The following GRID1 variants were observed in gnomAD, a reference collection of about 807,000 sequenced individuals.
GRID1 encodes the protein glutamate ionotropic receptor delta type subunit 1, also known as glutamate receptor ionotropic, delta-1.
A neutral mutation model predicts 98.0 loss-of-function variants in GRID1; 28 were observed. The ratio of observed to expected loss-of-function variants is 0.29; its 90% CI spans 0.21 to 0.39. The LOEUF is 0.39. Among genes scored for constraint, GRID1 ranks in the 10% least tolerant of loss-of-function variants. GRID1 has a pLI of 1.00. For missense variants in GRID1, 1,111 were observed against 1,340.5 expected, an observed-to-expected ratio of 0.83 and a Z score of 2.67; for synonymous variants, 553 against 538.5, an observed-to-expected ratio of 1.03 and a Z score of -0.37.
intron 4 of GRID1, among the ~76,000 whole-genome samples, chr10:86,062,742 C>T (rs1843666478): frequency 6.6e-6 from 1 of 152,238 alleles, no homozygotes; most frequent in Non-Finnish European, 1.5e-5. Flanking sequence ...CCGTAAGCTC[C>T]TTGAAAGGGG....
chr10:85,613,572 G>A lies in GRID1; in HGVS notation c.2436C>T (p.Asp812=), dbSNP rs1181922518. ...QKWWPHMGRC[D]LTSHASAQAD... is the part of the protein sequence containing the mutation. ...CCTGGGCGCTGGCATGGCTGGTGAGGTCACAGCGGCCCATGTGCGGCCACC... is the reference window on the plus strand; with the variant it reads ...CCTGGGCGCTGGCATGGCTGGTGAGATCACAGCGGCCCATGTGCGGCCACC... The change falls in exon 15 of 16, where the codon GAC becomes GAT. Residue 812 remains aspartate, a synonymous_variant. Coordinates refer to ENST00000327946, the MANE Select transcript of GRID1 (RefSeq NM_017551.3). The A allele has an allele frequency of 1.2e-6, 2 of 1,614,018 alleles. No individual in the cohort carries two copies. The highest frequency in any genetic ancestry group is 4.5e-5 in the East Asian group (2 of 44,894).
At chr10:86,312,074 G>A (rs1216903250) in intron 2 of GRID1, among the ~76,000 whole-genome samples, 4 of 152,342 alleles carry the variant, frequency 2.6e-5, no homozygotes, top group East Asian at 1.9e-4. Flanking sequence ...GACTGCCACC[G>A]CACAGGCTCT....
chr10:86,307,407 G>A (rs1034165234), intron 2 of GRID1, among the ~76,000 whole-genome samples: 4 of 152,180 alleles, frequency 2.6e-5, no homozygotes, highest in Non-Finnish European at 5.9e-5. Flanking sequence ...GGTGAACCTA[G>A]AGAACGTTAT....
At chr10:85,808,214 G>A (rs1432584041) in intron 8 of GRID1, among the ~76,000 whole-genome samples, 2 of 152,112 alleles carry the variant, frequency 1.3e-5, no homozygotes, top group Admixed American at 1.3e-4. Context: ...ATTCACACCA[G>A]ACATTATTAC....
At chr10:85,855,175 C>T (rs1436474127) in intron 7 of GRID1, among the ~76,000 whole-genome samples, 1 of 152,224 alleles carries the variant, frequency 6.6e-6, no homozygotes, top group Non-Finnish European at 1.5e-5. Flanking sequence ...ATTAACTCCA[C>T]ATCATAGAAC....
At chr10:86,330,573 C>T (rs183162727) in intron 2 of GRID1, among the ~76,000 whole-genome samples, 1 of 152,210 alleles carries the variant, frequency 6.6e-6, no homozygotes, top group Non-Finnish European at 1.5e-5. Context: ...CATCTCACCC[C>T]GTTCTTGCCC....
At chr10:85,779,614 C>A (rs1842363882) in intron 8 of GRID1, among the ~76,000 whole-genome samples, 1 of 152,056 alleles carries the variant, frequency 6.6e-6, no homozygotes, top group Admixed American at 6.5e-5. Context: ...ATGTTGAATA[C>A]CAGAAAGATT....
At chr10:85,684,973 T>C (rs1841252381) in intron 12 of GRID1, among the ~76,000 whole-genome samples, 1 of 152,218 alleles carries the variant, frequency 6.6e-6, no homozygotes, top group South Asian at 2.1e-4. Context: ...AAAGACTCTG[T>C]CTCCAGATAT....
chr10:86,092,253 G>A (rs868236940), intron 4 of GRID1, among the ~76,000 whole-genome samples: 14 of 152,142 alleles, frequency 9.2e-5, no homozygotes, highest in Admixed American at 1.3e-4. Flanking sequence ...AGAAATGAAG[G>A]GAGAAGTATT....
intron 8 of GRID1, among the ~76,000 whole-genome samples, chr10:85,824,201 T>C (rs1208392564): frequency 6.6e-6 from 1 of 152,008 alleles, no homozygotes; most frequent in Admixed American, 6.6e-5. Context: ...TTTGTTTGTT[T>C]GTTTGTTTTT....
chr10:85,947,622 C>A (rs1035566190), intron 4 of GRID1, among the ~76,000 whole-genome samples: 1 of 152,056 alleles, frequency 6.6e-6, no homozygotes, highest in Non-Finnish European at 1.5e-5. Context: ...GAAAGGCACA[C>A]AAGAAGCAGC....
intron 3 of GRID1, among the ~76,000 whole-genome samples, chr10:86,202,420 C>A (rs965764171): frequency 1.2e-4 from 19 of 152,230 alleles, no homozygotes; most frequent in Non-Finnish European, 2.5e-4. Flanking sequence ...TACTAGCACC[C>A]CCCTCCCACC....
intron 2 of GRID1, among the ~76,000 whole-genome samples, chr10:86,318,312 T>C (rs889985976): frequency 1.3e-5 from 2 of 152,216 alleles, no homozygotes; most frequent in Non-Finnish European, 2.9e-5. Context: ...GCACATCGCA[T>C]GTAACTCAGA....
chr10:85,968,450 C>CAAAAAAAAAAAAAAAAAAAA (rs56938729), intron 4 of GRID1, among the ~76,000 whole-genome samples: 1 of 102,446 alleles, frequency 9.8e-6, no homozygotes, highest in Non-Finnish European at 2.0e-5. Context: ...GACTCTGTCT[C>CAAAAAAAAAAAAAAAAAAAA]AAAAAAAAAA....
At chr10:86,275,346 C>T (rs906531614) in intron 2 of GRID1, among the ~76,000 whole-genome samples, 8 of 151,568 alleles carry the variant, frequency 5.3e-5, no homozygotes, top group African/African-American at 1.9e-4. Flanking sequence ...ATTCAGAAGT[C>T]CTTTTTTAAA....
chr10:85,715,286 G>A (rs7477656), intron 12 of GRID1, among the ~76,000 whole-genome samples: 7 of 152,076 alleles, frequency 4.6e-5, no homozygotes, highest in African/African-American at 1.7e-4. Flanking sequence ...AAAACTTCCA[G>A]AAGAAAAAAA....
intron 2 of GRID1, among the ~76,000 whole-genome samples, chr10:86,224,230 C>G (rs1365431700): frequency 1.3e-5 from 2 of 150,280 alleles, no homozygotes; most frequent in Non-Finnish European, 3.0e-5. Flanking sequence ...TAAGTCACAA[C>G]AGCATTGGTT....
At chr10:85,932,261 G>A (rs972396949) in intron 4 of GRID1, among the ~76,000 whole-genome samples, 1 of 152,162 alleles carries the variant, frequency 6.6e-6, no homozygotes, top group African/African-American at 2.4e-5. Context: ...CACCCAGGCT[G>A]AGTGCAGTGG....
intron 4 of GRID1, among the ~76,000 whole-genome samples, chr10:86,087,510 C>CTGTGTCTGTGTGTG (rs111423054): frequency 2.1e-5 from 3 of 140,908 alleles, no homozygotes; most frequent in Non-Finnish European, 4.7e-5. Context: ...GTGTGTGTGT[C>CTGTGTCTGTGTGTG]TGTGTGTGTG....
Sources: gnomAD v4.1 joint callset for allele counts (sites outside exome capture counted in the v4.1 genomes callset) on GRCh38, gnomAD v4.1.1 for gene constraint, MANE v1.5 for transcripts, NCBI Gene and HGNC (gene_info 2026-07-23, HGNC 2026-07-21) for gene names.